Variants in CD82 observed in about 807,000 individuals in gnomAD.
CD82 encodes the protein CD82 molecule, also known as CD82 antigen.
Under a neutral mutation model 37.4 loss-of-function variants are expected in CD82, and 36 were observed. That is an observed-to-expected ratio of 0.96 (90% CI 0.74 to 1.27). CD82 has a LOEUF of 1.27. CD82 is among the 50% of genes most tolerant of loss of function. The probability of loss-of-function intolerance (pLI) is 0.00; values close to 1 mark genes in which losing one functional copy is unlikely to be tolerated. For synonymous variants in CD82, 158 were observed against 137.4 expected (o/e 1.15, Z -1.05); for missense variants, 340 against 347.0 (o/e 0.98, Z 0.16).
intron 6 of CD82, 127 bp from the exon 7 acceptor site, chr11:44,615,145 G>C (rs1379856589): frequency 9.0e-6 from 6 of 663,788 alleles, no homozygotes; most frequent in Non-Finnish European, 1.7e-5. Context: ...CCAGGAAAGT[G>C]GCTGGAGCCA....
chr11:44,596,772 T>C (rs1293338145), intron 3 of CD82: 1 of 389,248 alleles, frequency 2.6e-6, no homozygotes, highest in Non-Finnish European at 5.2e-6. Context: ...TCAGCAAATG[T>C]GTATCTGACA....
intron 1 of CD82, among the ~76,000 whole-genome samples, chr11:44,584,486 C>G (rs1332630818): frequency 6.6e-6 from 1 of 152,110 alleles, no homozygotes; most frequent in Admixed American, 6.5e-5. Flanking sequence ...TGGAGTTTCA[C>G]CATATTGGCC....
chr11:44,574,553 C>T (rs866593465), intron 1 of CD82, among the ~76,000 whole-genome samples: 9 of 152,262 alleles, frequency 5.9e-5, no homozygotes, highest in South Asian at 4.1e-4. Flanking sequence ...TTATCTAAAC[C>T]AAATGGCTAC....
In CD82 at chr11:44,588,799, G is replaced by A. The variant is rs75265834; in HGVS notation, c.-21+1243G>A. 1.8e-3 allele frequency among the ~76,000 whole-genome samples: 279 copies of A among 152,320 alleles called. 2 individuals are homozygous for A. Among genetic ancestry groups the A allele is most frequent in the African/African-American group, 6.5e-3 (270 of 41,568 alleles). On this transcript the variant is annotated intron_variant, in intron 2 of 9. Transcript: ENST00000227155. The stretch of plus-strand genomic sequence containing the variant: ...GGCTGGAGTAGGAAGTTTCCTGGAG[G>A]TGGTGATTTTGGAGGTGAGTGTTAA...
intron 4 of CD82, among the ~76,000 whole-genome samples, chr11:44,602,446 A>G (rs1207491496): frequency 6.6e-6 from 1 of 152,230 alleles, no homozygotes; most frequent in Non-Finnish European, 1.5e-5. Context: ...AAAACCCTAC[A>G]TAAGTGATTG....
At chr11:44,566,038 A>G (rs1852729947) in intron 1 of CD82, 1 of 151,616 alleles carries the variant, frequency 6.6e-6, no homozygotes, top group Non-Finnish European at 1.5e-5. Context: ...CTCACTTAAA[A>G]CGCCGGAAGG....
At chr11:44,615,456 T>A in intron 7 of CD82, 83 bp downstream of exon 7, 1 of 846,120 alleles carries the variant, frequency 1.2e-6, no homozygotes, top group East Asian at 2.6e-5. Context: ...TGTCTGGGAC[T>A]GGCATCTGCA....
At chr11:44,592,020 T>C (rs1401856559) in intron 2 of CD82, among the ~76,000 whole-genome samples, 1 of 152,128 alleles carries the variant, frequency 6.6e-6, no homozygotes. Context: ...GGTTTCACCA[T>C]GTTGGCCAGG....
At chr11:44,616,389 ACTTTGCT>A (rs1853564694) in intron 7 of CD82, among the ~76,000 whole-genome samples, 1 of 152,150 alleles carries the variant, frequency 6.6e-6, no homozygotes, top group African/African-American at 2.4e-5. Context: ...AATTGCTGAG[ACTTTGCT>A]AATTTTAGCA....
At chr11:44,612,683 A>G (rs1270569375) in intron 6 of CD82, among the ~76,000 whole-genome samples, 4 of 114,526 alleles carry the variant, frequency 3.5e-5, no homozygotes, top group Admixed American at 1.3e-4. Context: ...CCCAGGCTGG[A>G]GTGCAGTGGC....
intron 2 of CD82, among the ~76,000 whole-genome samples, chr11:44,591,954 G>A (rs1853151597): frequency 6.6e-6 from 1 of 152,022 alleles, no homozygotes; most frequent in Admixed American, 6.5e-5. Context: ...TGAGTAGCTG[G>A]GATTACAGGC....
At chr11:44,616,182 T>C (rs1003984095) in intron 7 of CD82, among the ~76,000 whole-genome samples, 76 of 152,058 alleles carry the variant, frequency 5.0e-4, no homozygotes, top group Non-Finnish European at 2.4e-4. Flanking sequence ...GGAGAAAGCC[T>C]GACTCAGCGG....
At chr11:44,615,480 C>T in intron 7 of CD82, 107 bp downstream of exon 7, 1 of 717,326 alleles carries the variant, frequency 1.4e-6, no homozygotes, top group Non-Finnish European at 2.5e-6. Flanking sequence ...CTCGTGTGTG[C>T]CTGACAGTTT....
intron 1 of CD82, among the ~76,000 whole-genome samples, chr11:44,570,317 C>T (rs1053323125): frequency 2.6e-5 from 4 of 152,224 alleles, no homozygotes; most frequent in African/African-American, 9.7e-5. Context: ...TTGCCCTTCA[C>T]CTTCTCCTCT....
At chr11:44,579,799 C>T (rs1271175687) in intron 1 of CD82, among the ~76,000 whole-genome samples, 19 of 152,188 alleles carry the variant, frequency 1.2e-4, no homozygotes, top group Non-Finnish European at 1.5e-5. Flanking sequence ...CCGCAGTAGA[C>T]CATGGAAGTG....
At chr11:44,604,271 A>G (rs1296171538) in intron 4 of CD82, among the ~76,000 whole-genome samples, 1 of 152,212 alleles carries the variant, frequency 6.6e-6, no homozygotes, top group Admixed American at 6.5e-5. Flanking sequence ...CCCAGTAAAC[A>G]TTTCTTGGCC....
intron 1 of CD82, 26 bp from the exon 2 acceptor site, chr11:44,587,449 G>A (rs1853072969): frequency 2.2e-6 from 1 of 456,178 alleles, no homozygotes; most frequent in South Asian, 1.5e-5. Context: ...AGACAGGAGT[G>A]ACGAGATCTG....
intron 1 of CD82, among the ~76,000 whole-genome samples, chr11:44,570,891 A>G (rs1398942547): frequency 6.6e-6 from 1 of 152,104 alleles, no homozygotes; most frequent in Non-Finnish European, 1.5e-5. Context: ...GCCTGGAGAA[A>G]TGGGACGGTG....
intron 1 of CD82, among the ~76,000 whole-genome samples, chr11:44,585,893 T>C (rs1234323375): frequency 6.6e-6 from 1 of 152,226 alleles, no homozygotes. Flanking sequence ...CACAGTGATA[T>C]TGCTCTGGGG....
Sources: allele counts gnomAD v4.1 joint callset (sites outside exome capture counted in the v4.1 genomes callset), GRCh38; gene constraint gnomAD v4.1.1; transcripts MANE v1.5; gene names NCBI Gene and HGNC (gene_info 2026-07-23, HGNC 2026-07-21).